BRAF: variants seen among roughly 807,000 people sequenced by gnomAD.
BRAF encodes serine/threonine-protein kinase B-raf.
Under a neutral mutation model 104.6 loss-of-function variants are expected in BRAF, and 16 were observed. The observed-to-expected ratio is 0.15, with a 90% CI of 0.10 to 0.23. The LOEUF is 0.23. Ranked by LOEUF, BRAF falls within the 10% of genes least tolerant of loss-of-function variation. BRAF has a pLI of 1.00. For synonymous variants in BRAF, 310 were observed against 341.6 expected (o/e 0.91, Z 1.02); for missense variants, 541 against 937.3 (o/e 0.58, Z 5.52).
At chr7:140,878,117 A>T (rs973859933) in intron 1 of BRAF, among the ~76,000 whole-genome samples, 2 of 152,136 alleles carry the variant, frequency 1.3e-5, no homozygotes, top group Non-Finnish European at 2.9e-5. Flanking sequence ...AGGTCAAAAA[A>T]AGAAATCACA....
At chr7:140,852,592 T>C (rs1259346987) in intron 1 of BRAF, among the ~76,000 whole-genome samples, 1 of 152,152 alleles carries the variant, frequency 6.6e-6, no homozygotes, top group Non-Finnish European at 1.5e-5. Flanking sequence ...ATTTTTCATA[T>C]CTCCAAAAAG....
At position 140,724,788 on chromosome 7, in the gene BRAF, T is replaced by C. The variant is rs571458570; in HGVS notation, c.*1706A>G. The stretch of plus-strand genomic sequence containing the variant: ...AAGTCCTTGGCTATAGCTTGGTTGG[T>C]CTGATTTGATTTGTGTTCCTAAATT... On this transcript the variant is annotated 3_prime_UTR_variant, in exon 20 of 20. Transcript: ENST00000644969. 2,526 of 1,035,426 alleles carry C rather than the reference T, an allele frequency of 2.4e-3. 3 individuals carry two copies. The highest frequency in any genetic ancestry group is 2.9e-3 in the Non-Finnish European group (2,464 of 860,310). The allele number at this position is 1,035,426 out of a possible 1,614,324, so 64.1% of individuals were successfully genotyped here.
At chr7:140,922,462 T>C (rs1026024313) in intron 1 of BRAF, among the ~76,000 whole-genome samples, 3 of 152,222 alleles carry the variant, frequency 2.0e-5, no homozygotes, top group African/African-American at 7.2e-5. Flanking sequence ...AAGCCTTCTT[T>C]ACAGAATTGC....
rs891602383 is a variant in BRAF, at chr7:140,719,707, T to C, written c.*6787A>G. On this transcript the variant is annotated 3_prime_UTR_variant, in exon 20 of 20. Transcript: ENST00000644969. ...CATTTGACTGAAAATAAATGTCTTT[T>C]TTATGAATTGAAAAATAAGCTTTAA... 2.8e-6 allele frequency: 3 copies of C among 1,061,040 alleles called. No individual in the cohort carries two copies. In the African/African-American group the frequency reaches 4.9e-5, roughly 17 times the overall value. The allele number at this position is 1,061,040 out of a possible 1,614,324, so 65.7% of individuals were successfully genotyped here.
chr7:140,915,712 A>C (rs1817551408), intron 1 of BRAF, among the ~76,000 whole-genome samples: 1 of 152,074 alleles, frequency 6.6e-6, no homozygotes, highest in African/African-American at 2.4e-5. Flanking sequence ...CTGGGATTAC[A>C]GGCATGAGCC....
intron 5 of BRAF, among the ~76,000 whole-genome samples, chr7:140,807,724 C>A (rs992113648): frequency 1.3e-5 from 2 of 151,974 alleles, no homozygotes; most frequent in Non-Finnish European, 1.5e-5. Flanking sequence ...CTGCACTATT[C>A]AAAATTATCT....
At chr7:140,860,981 T>C (rs1163761029) in intron 1 of BRAF, among the ~76,000 whole-genome samples, 2 of 152,170 alleles carry the variant, frequency 1.3e-5, no homozygotes, top group Non-Finnish European at 2.9e-5. Flanking sequence ...TACCACATAT[T>C]AAGTCAAAAC....
intron 1 of BRAF, among the ~76,000 whole-genome samples, chr7:140,896,882 A>AAAAAG (rs1381138288): frequency 1.5e-5 from 2 of 135,462 alleles, no homozygotes; most frequent in Admixed American, 7.4e-5. Context: ...AAAAAAAAAA[A>AAAAAG]GGGGTGGGGG....
At position 140,722,499 on chromosome 7, in the gene BRAF, T is replaced by C. The variant is rs1795368565; in HGVS notation, c.*3995A>G. On this transcript the variant is annotated 3_prime_UTR_variant, in exon 20 of 20. Coordinates refer to ENST00000644969, the MANE Select transcript of BRAF (RefSeq NM_001374258.1). ...GCCTCACCTACACCATTTCAACTCA[T>C]GACCTGTAAGCTATTTGCTGTTCAT... 2.8e-6 allele frequency: 3 copies of C among 1,056,368 alleles called. No homozygotes were observed. Among genetic ancestry groups the C allele is most frequent in the South Asian group, 4.6e-5 (1 of 21,900 alleles). The allele number at this position is 1,056,368 out of a possible 1,614,324, so 65.4% of individuals were successfully genotyped here.
intron 5 of BRAF, among the ~76,000 whole-genome samples, chr7:140,807,393 T>G (rs1437097956): frequency 6.6e-6 from 1 of 152,112 alleles, no homozygotes; most frequent in Non-Finnish European, 1.5e-5. Flanking sequence ...ATTCCTATTC[T>G]TACGAATTAT....
rs146505182 is a variant in BRAF, at chr7:140,898,782, C to G, written c.138+25784G>C. 1.1e-3 allele frequency among the ~76,000 whole-genome samples: 166 copies of G among 152,282 alleles called. 4 individuals are homozygous for G. In the East Asian group the frequency reaches 0.03, roughly 27 times the overall value. On this transcript the variant is annotated intron_variant, in intron 1 of 19. Coordinates refer to ENST00000644969, the MANE Select transcript of BRAF (RefSeq NM_001374258.1). ...GATTTTTCTTATAATTCTAGTATCT[C>G]TACTTATAATTCTAGTACCTATATT...
intron 1 of BRAF, among the ~76,000 whole-genome samples, chr7:140,895,754 G>T (rs1814810248): frequency 6.6e-6 from 1 of 152,154 alleles, no homozygotes; most frequent in Non-Finnish European, 1.5e-5. Flanking sequence ...GCAAATGACA[G>T]GATTTTTCCT....
intron 14 of BRAF, among the ~76,000 whole-genome samples, chr7:140,768,258 T>C (rs1160736270): frequency 6.9e-5 from 1 of 14,422 alleles, no homozygotes; most frequent in Non-Finnish European, 1.0e-4. Context: ...TAACATGATT[T>C]TGAAATTTTA....
intron 12 of BRAF, among the ~76,000 whole-genome samples, chr7:140,778,529 T>G (rs1800543912): frequency 6.6e-6 from 1 of 151,988 alleles, no homozygotes; most frequent in Non-Finnish European, 1.5e-5. Context: ...TTTTTCAAAT[T>G]TATGGATTAC....
At chr7:140,902,909 G>A (rs1815819640) in intron 1 of BRAF, among the ~76,000 whole-genome samples, 1 of 151,244 alleles carries the variant, frequency 6.6e-6, no homozygotes, top group East Asian at 1.9e-4. Flanking sequence ...AAGCTTCAAA[G>A]GACAGGATGA....
Position 140,725,098 on chromosome 7 carries a change from C to A in BRAF, c.*1396G>T, listed in dbSNP as rs779214745. The A allele has an allele frequency of 4.6e-5, 48 of 1,043,958 alleles. No homozygotes were observed. The highest frequency in any genetic ancestry group is 5.3e-5 in the Non-Finnish European group (46 of 865,990). 64.7% of individuals were successfully genotyped at this position (1,043,958 alleles called of 1,614,324 possible). On this transcript the variant is annotated 3_prime_UTR_variant, in exon 20 of 20. Coordinates refer to ENST00000644969, the MANE Select transcript of BRAF (RefSeq NM_001374258.1). ...GGAATTCAGCTGCCAAATTGCCCAACCTTTTGAAGACCAGGCTTGGGAAAA... is the reference window on the plus strand; with the variant it reads ...GGAATTCAGCTGCCAAATTGCCCAAACTTTTGAAGACCAGGCTTGGGAAAA...
intron 1 of BRAF, among the ~76,000 whole-genome samples, chr7:140,899,764 T>G (rs568167887): frequency 6.6e-6 from 1 of 152,336 alleles, no homozygotes; most frequent in African/African-American, 2.4e-5. Context: ...CTTTACATGT[T>G]GTAGTAGGTA....
At position 140,739,956 on chromosome 7, in the gene BRAF, GA is replaced by G. The variant is rs759069424; in HGVS notation, c.2113-11del. The G allele has an allele frequency of 6.2e-6, 10 of 1,605,726 alleles. No individual in the cohort carries two copies. Among genetic ancestry groups the G allele is most frequent in the South Asian group, 2.2e-5 (2 of 90,392 alleles). ...CCACCATAAAAATTATCTGGAGAGA[GA>G]AAAAAAAGGGAAATAATTCAACCTT... is the stretch of plus-strand genomic sequence containing the variant. On this transcript the variant is annotated splice_polypyrimidine_tract_variant and intron_variant, in intron 17 of 19. Transcript: ENST00000644969.
At chr7:140,903,785 A>G (rs1016481453) in intron 1 of BRAF, among the ~76,000 whole-genome samples, 17 of 152,234 alleles carry the variant, frequency 1.1e-4, no homozygotes, top group Non-Finnish European at 5.9e-5. Flanking sequence ...GTTTGGAAGA[A>G]GTTGATTCTA....
Sources: allele counts gnomAD v4.1 joint callset (sites outside exome capture counted in the v4.1 genomes callset), GRCh38; gene constraint gnomAD v4.1.1; transcripts MANE v1.5; gene names NCBI Gene and HGNC (gene_info 2026-07-23, HGNC 2026-07-21).